Variants in ABCB1 observed in about 807,000 individuals in gnomAD.
ABCB1 encodes ATP-dependent translocase ABCB1.
A neutral mutation model predicts 142.0 loss-of-function variants in ABCB1; 69 were observed. The observed-to-expected ratio is 0.49, with a 90% CI of 0.40 to 0.59. ABCB1 has a LOEUF of 0.59. Among genes scored for constraint, ABCB1 ranks in the 20% least tolerant of loss-of-function variants. The probability of loss-of-function intolerance (pLI) is 0.00; values close to 1 mark genes in which losing one functional copy is unlikely to be tolerated. For missense variants in ABCB1, 1,326 were observed against 1,554.7 expected, an observed-to-expected ratio of 0.85 and a Z score of 2.47; for synonymous variants, 532 against 539.2, an observed-to-expected ratio of 0.99 and a Z score of 0.18.
chr7:87,700,013 G>A (rs1828878984), intron 1 of ABCB1, among the ~76,000 whole-genome samples: 2 of 150,964 alleles, frequency 1.3e-5, no homozygotes, highest in African/African-American at 4.9e-5. Flanking sequence ...TTTTTTTTCT[G>A]TTTTTTTAAA....
At chr7:87,573,373 T>G (rs1033271654) in intron 4 of ABCB1, among the ~76,000 whole-genome samples, 1 of 152,178 alleles carries the variant, frequency 6.6e-6, no homozygotes, top group Non-Finnish European at 1.5e-5. Context: ...ACACTGATGT[T>G]TCCCAGAACT....
upstream of ABCB1, among the ~76,000 whole-genome samples, chr7:87,605,672 C>G (rs1255617687): frequency 6.6e-6 from 1 of 152,116 alleles, no homozygotes; most frequent in African/African-American, 2.4e-5. Context: ...AAGAAATACT[C>G]CACTGCTCAA....
chr7:87,539,597 A>G (rs1452407838), intron 18 of ABCB1, among the ~76,000 whole-genome samples: 1 of 152,234 alleles, frequency 6.6e-6, no homozygotes. Context: ...ATAAGGTCAC[A>G]GAGTTGGAAT....
At chr7:87,617,253 C>T (rs575992164) in intron 1 of ABCB1, among the ~76,000 whole-genome samples, 4 of 152,266 alleles carry the variant, frequency 2.6e-5, no homozygotes, top group Non-Finnish European at 4.4e-5. Flanking sequence ...TCCCTTTAAA[C>T]ATTGTCAGTT....
intron 4 of ABCB1, among the ~76,000 whole-genome samples, chr7:87,574,122 G>C (rs575011164): frequency 2.6e-5 from 4 of 152,176 alleles, no homozygotes; most frequent in Non-Finnish European, 4.4e-5. Flanking sequence ...GCAGACCCTA[G>C]AGCAAGACCT....
chr7:87,667,580 C>T (rs957246378), intron 1 of ABCB1, among the ~76,000 whole-genome samples: 4 of 151,984 alleles, frequency 2.6e-5, no homozygotes, highest in Non-Finnish European at 4.4e-5. Context: ...AGGGGAAATG[C>T]GTCTGGCTTT....
rs202065141 is a variant in ABCB1 at position 87,530,790 on chromosome 7, AAAGAAAGCAAGAAAGC to A, written c.2685+488_2685+503del. On this transcript the variant is annotated intron_variant, in intron 21 of 27. Coordinates refer to ENST00000622132, the MANE Select transcript of ABCB1 (RefSeq NM_001348946.2). Reference sequence around the variant, plus strand: ...AATGGATTTAAGCTTGAAAGAAAAGAAAGAAAGCAAGAAAGCAAGAAAGCAAGAAAGCAAGAAAGCA... The same window carrying A: ...AATGGATTTAAGCTTGAAAGAAAAGAAAGAAAGCAAGAAAGCAAGAAAGCA... Among the ~76,000 whole-genome samples, 1,014 of 118,252 alleles carry A rather than the reference AAAGAAAGCAAGAAAGC, an allele frequency of 8.6e-3. 22 individuals carry two copies. Among genetic ancestry groups the A allele is most frequent in the East Asian group, 0.021 (81 of 3,940 alleles). The allele number at this position is 118,252 out of a possible 152,430, so 77.6% of individuals were successfully genotyped here.
intron 1 of ABCB1, among the ~76,000 whole-genome samples, chr7:87,614,722 T>C (rs1427312313): frequency 1.3e-5 from 2 of 152,260 alleles, no homozygotes; most frequent in Non-Finnish European, 2.9e-5. Flanking sequence ...TGTTACATTG[T>C]TTCCTGTCTC....
At chr7:87,595,332 A>C (rs1230195759) in intron 3 of ABCB1, among the ~76,000 whole-genome samples, 5 of 152,158 alleles carry the variant, frequency 3.3e-5, no homozygotes, top group Admixed American at 3.3e-4. Context: ...TTGAACTAAA[A>C]TTTGCAATGG....
chr7:87,551,811 A>G (rs1817084816), intron 9 of ABCB1, among the ~76,000 whole-genome samples: 1 of 152,208 alleles, frequency 6.6e-6, no homozygotes, highest in African/African-American at 2.4e-5. Context: ...ATATTATAAT[A>G]GGATATTTTT....
chr7:87,513,040 A>G (rs1304713033), intron 25 of ABCB1, among the ~76,000 whole-genome samples: 1 of 152,230 alleles, frequency 6.6e-6, no homozygotes, highest in African/African-American at 2.4e-5. Context: ...TCTGGGAGGT[A>G]GACACCAGCT....
chr7:87,632,218 T>C (rs977771233), intron 1 of ABCB1, among the ~76,000 whole-genome samples: 3 of 152,172 alleles, frequency 2.0e-5, no homozygotes, highest in Non-Finnish European at 4.4e-5. Flanking sequence ...ATTCTCAGTT[T>C]AGGTTTAAAG....
At chr7:87,527,456 A>G (rs1815835515) in intron 21 of ABCB1, among the ~76,000 whole-genome samples, 1 of 152,062 alleles carries the variant, frequency 6.6e-6, no homozygotes, top group South Asian at 2.1e-4. Context: ...TGCTAGATTC[A>G]TTTATCTTGA....
chr7:87,658,320 G>A (rs765370703), intron 1 of ABCB1, among the ~76,000 whole-genome samples: 9 of 152,090 alleles, frequency 5.9e-5, no homozygotes, highest in Non-Finnish European at 8.8e-5. Flanking sequence ...TGAACTGAAA[G>A]ACAAAACAAT....
chr7:87,647,887 G>C (rs1288004092), intron 1 of ABCB1, among the ~76,000 whole-genome samples: 3 of 152,052 alleles, frequency 2.0e-5, no homozygotes, highest in African/African-American at 7.2e-5. Flanking sequence ...GTACAGAAAA[G>C]AAATGGAAAA....
intron 1 of ABCB1, among the ~76,000 whole-genome samples, chr7:87,703,145 AT>A (rs1261123008): frequency 6.6e-6 from 1 of 152,206 alleles, no homozygotes; most frequent in Non-Finnish European, 1.5e-5. Context: ...TTATTTCACG[AT>A]TATAGAATTA....
At chr7:87,531,609 T>A (rs961528594) in intron 20 of ABCB1, 112 bp from the exon 21 acceptor site, 26 of 1,017,490 alleles carry the variant, frequency 2.6e-5, no homozygotes, top group Middle Eastern at 3.1e-4. Flanking sequence ...TTATCAGTAA[T>A]GAACTAAAAA....
intron 1 of ABCB1, among the ~76,000 whole-genome samples, chr7:87,635,004 T>C (rs1375865951): frequency 6.6e-6 from 1 of 152,180 alleles, no homozygotes; most frequent in Non-Finnish European, 1.5e-5. Context: ...TGCATTCATA[T>C]TAATTGACAA....
chr7:87,668,591 T>C (rs1825508581), intron 1 of ABCB1, among the ~76,000 whole-genome samples: 1 of 152,122 alleles, frequency 6.6e-6, no homozygotes, highest in African/African-American at 2.4e-5. Context: ...GAGATCTCTC[T>C]AACTTTTTGA....
Sources: gnomAD v4.1 joint callset for allele counts (sites outside exome capture counted in the v4.1 genomes callset) on GRCh38, gnomAD v4.1.1 for gene constraint, MANE v1.5 for transcripts, NCBI Gene and HGNC (gene_info 2026-07-23, HGNC 2026-07-21) for gene names.